DRD2: variants seen among roughly 807,000 people sequenced by gnomAD.
The protein encoded by DRD2 is D(2) dopamine receptor.
DRD2 carries 8 observed loss-of-function variants against 38.0 expected under a neutral mutation model. The observed-to-expected ratio is 0.21, with a 90% CI of 0.12 to 0.38. The LOEUF (loss-of-function observed/expected upper bound fraction) is 0.38. Among genes scored for constraint, DRD2 ranks in the 10% least tolerant of loss-of-function variants. The pLI, the probability that DRD2 is intolerant of heterozygous loss-of-function variation, is 1.00. For missense variants in DRD2, 403 were observed against 607.7 expected (o/e 0.66, Z 3.54); for synonymous variants, 230 against 238.6 (o/e 0.96, Z 0.33).
At chr11:113,414,591 G>A in intron 5 of DRD2, 130 bp from the exon 6 acceptor site, 1 of 927,270 alleles carries the variant, frequency 1.1e-6, no homozygotes, top group Non-Finnish European at 1.8e-6. Context: ...GTGGGGGCCA[G>A]AGGAGGCAGT....
At chr11:113,422,257 C>T (rs991840244) in intron 2 of DRD2, among the ~76,000 whole-genome samples, 1 of 152,216 alleles carries the variant, frequency 6.6e-6, no homozygotes, top group Non-Finnish European at 1.5e-5. Context: ...CTATTGTCAT[C>T]TTCATCTTTA....
intron 1 of DRD2, among the ~76,000 whole-genome samples, chr11:113,442,458 G>A (rs879441422): frequency 2.0e-5 from 3 of 152,144 alleles, no homozygotes; most frequent in African/African-American, 4.8e-5. Context: ...AAGGGGTAGC[G>A]GCAGGAGGAG....
At chr11:113,425,016 C>A (rs1950926706) in intron 1 of DRD2, 1 of 327,658 alleles carries the variant, frequency 3.1e-6, no homozygotes, top group Non-Finnish European at 5.7e-6. Flanking sequence ...AGGCTTGCTA[C>A]CTTCTAGTCA....
intron 1 of DRD2, among the ~76,000 whole-genome samples, chr11:113,430,085 C>T (rs1037842024): frequency 6.6e-6 from 1 of 152,330 alleles, no homozygotes; most frequent in East Asian, 1.9e-4. Context: ...GGCCCACTGC[C>T]TCCTATGGCC....
At position 113,414,423 on chromosome 11, in the gene DRD2, G is replaced by C; in HGVS notation, c.762C>G (p.Thr254=). The C allele has an allele frequency of 6.2e-7, 1 of 1,614,178 alleles. No homozygotes were observed. Among genetic ancestry groups the C allele is most frequent in the Non-Finnish European group, 8.5e-7 (1 of 1,180,040 alleles). The stretch of plus-strand genomic sequence containing the variant: ...AACTCCCATTAGACTTCATGATAAC[G>C]GTGCAGAGTTTCATGTCCTCGGGGT... The part of the protein sequence containing the change: ...CTHPEDMKLC[T]VIMKSNGSFP... The change falls in exon 6 of 8, where the codon ACC becomes ACG. Residue 254 remains threonine, a synonymous_variant. Coordinates refer to ENST00000362072, the MANE Select transcript of DRD2 (RefSeq NM_000795.4).
At chr11:113,418,284 T>C in intron 2 of DRD2, 148 bp from the exon 3 acceptor site, 1 of 701,944 alleles carries the variant, frequency 1.4e-6, no homozygotes, top group East Asian at 2.7e-5. Context: ...TGGGGAGTGA[T>C]GCCCATGGGT....
chr11:113,444,621 TC>T lies in DRD2; in HGVS notation c.-31-19940del, dbSNP rs1565672167. ...TACACATCCACAACCTGAATGACTGTCTTTTACACTCCATGGGCCATCTATA... is the reference window on the plus strand; with the variant it reads ...TACACATCCACAACCTGAATGACTGTTTTTACACTCCATGGGCCATCTATA... On this transcript the variant is annotated intron_variant, in intron 1 of 7. Coordinates refer to ENST00000362072, the MANE Select transcript of DRD2 (RefSeq NM_000795.4). Among the ~76,000 whole-genome samples the T allele has an allele frequency of 1.8e-4, 28 of 152,196 alleles. 1 individual carries two copies.
chr11:113,426,404 C>T (rs1020207315), intron 1 of DRD2, among the ~76,000 whole-genome samples: 3 of 152,160 alleles, frequency 2.0e-5, no homozygotes, highest in Admixed American at 1.3e-4. Flanking sequence ...GTTGGCTTTT[C>T]AGCTAACAAA....
intron 1 of DRD2, among the ~76,000 whole-genome samples, chr11:113,452,469 T>TGCGCGCGCAC (rs1951223152): frequency 8.4e-6 from 1 of 118,784 alleles, no homozygotes; most frequent in Admixed American, 8.2e-5. Flanking sequence ...TGTGTGTGTG[T>TGCGCGCGCAC]GCGCGCGCGC....
intron 1 of DRD2, among the ~76,000 whole-genome samples, chr11:113,430,797 T>G (rs973726141): frequency 7.9e-5 from 12 of 152,186 alleles, no homozygotes; most frequent in Non-Finnish European, 1.5e-4. Context: ...GAGTTCTTTG[T>G]CCACTCTGGA....
Position 113,412,547 on chromosome 11 carries a change from C to T in DRD2, c.1138+9G>A. ...ACCGGGCTGTGGCCAGCAGCCAGGG[C>T]CGACTCACCGAGAACAATGGCGAGC... is the stretch of plus-strand genomic sequence containing the variant. On this transcript the variant is annotated intron_variant, in intron 7 of 7. Transcript: ENST00000362072. The T allele has an allele frequency of 6.2e-7, 1 of 1,603,770 alleles. No individual in the cohort carries two copies.
chr11:113,412,651 T>C lies in DRD2; in HGVS notation c.1043A>G (p.Asn348Ser), dbSNP rs143779712. 30 of 1,614,192 alleles carry C rather than the reference T, an allele frequency of 1.9e-5. No individual in the cohort carries two copies. Among genetic ancestry groups the C allele is most frequent in the African/African-American group, 6.7e-5 (5 of 75,052 alleles). ...CTTGAGGGAGGTCCGGGTTTTGCCA[T>C]TGGGCATGGTCTGGATCTCAAAGAT... ...AKIFEIQTMP[N>S]GKTRTSLKTM... The change falls in exon 7 of 8, where the codon AAT becomes AGT. Residue 348 changes from asparagine (N) to serine (S), a missense_variant. Transcript: ENST00000362072.
At chr11:113,452,805 G>A (rs747846288) in intron 1 of DRD2, among the ~76,000 whole-genome samples, 5 of 151,814 alleles carry the variant, frequency 3.3e-5, no homozygotes, top group South Asian at 4.2e-4. Flanking sequence ...CTGCCACCAT[G>A]TCCAGCTAAT....
rs192953724 is a variant in DRD2 at position 113,413,977 on chromosome 11, C to T, written c.810+398G>A. ...GGCTTAGTGTCACCAACTCTTGAGA[C>T]GGGTGAGTTGCCTAATCTTTCTGAG... On this transcript the variant is annotated intron_variant, in intron 6 of 7. Coordinates refer to ENST00000362072, the MANE Select transcript of DRD2 (RefSeq NM_000795.4). 187 of 333,022 alleles carry T rather than the reference C, an allele frequency of 5.6e-4. 1 individual carries two copies. The highest frequency in any genetic ancestry group is 6.7e-4 in the South Asian group (27 of 40,438). The allele number at this position is 333,022 out of a possible 1,614,324, so 20.6% of individuals were successfully genotyped here.
At chr11:113,434,606 G>A (rs1330944503) in intron 1 of DRD2, among the ~76,000 whole-genome samples, 3 of 152,204 alleles carry the variant, frequency 2.0e-5, no homozygotes, top group African/African-American at 7.2e-5. Flanking sequence ...ATGAAAGTGA[G>A]TGTGGGGATG....
At chr11:113,439,761 C>A (rs949967351) in intron 1 of DRD2, among the ~76,000 whole-genome samples, 1 of 140,068 alleles carries the variant, frequency 7.1e-6, no homozygotes, top group South Asian at 2.3e-4. Context: ...ATCGCCTGAA[C>A]CCGGAAGGTA....
At chr11:113,456,691 G>C (rs1049456812) in intron 1 of DRD2, among the ~76,000 whole-genome samples, 1 of 152,136 alleles carries the variant, frequency 6.6e-6, no homozygotes, top group Non-Finnish European at 1.5e-5. Context: ...GTATCTAAAG[G>C]AGTCAAATTC....
chr11:113,449,170 C>A (rs909402934), intron 1 of DRD2, among the ~76,000 whole-genome samples: 4 of 152,090 alleles, frequency 2.6e-5, no homozygotes, highest in African/African-American at 4.8e-5. Context: ...CCTTTGAATG[C>A]TGCCATTTCT....
intron 2 of DRD2, among the ~76,000 whole-genome samples, chr11:113,420,051 TA>T (rs1052480637): frequency 2.0e-5 from 3 of 151,890 alleles, no homozygotes; most frequent in Admixed American, 1.3e-4. Flanking sequence ...TTTCCTGGCA[TA>T]AACAGAGTGT....
Sources: gnomAD v4.1 joint callset for allele counts (sites outside exome capture counted in the v4.1 genomes callset) on GRCh38, gnomAD v4.1.1 for gene constraint, MANE v1.5 for transcripts, NCBI Gene and HGNC (gene_info 2026-07-23, HGNC 2026-07-21) for gene names.